Variants in CCDC171 observed in about 807,000 individuals in gnomAD.
CCDC171 encodes coiled-coil domain containing 171, also known as coiled-coil domain-containing protein 171.
CCDC171 carries 177 observed loss-of-function variants against 168.2 expected under a neutral mutation model. The observed-to-expected ratio is 1.05, with a 90% CI of 0.93 to 1.19. The LOEUF is 1.19. Ranked by LOEUF, CCDC171 falls within the 50% of genes most tolerant of loss-of-function variation. CCDC171 has a pLI of 0.00. For synonymous variants in CCDC171, 687 were observed against 540.8 expected (o/e 1.27, Z -3.75); for missense variants, 1,991 against 1,539.0 (o/e 1.29, Z -4.91).
the CCDC171 span, among the ~76,000 whole-genome samples, chr9:16,103,605 C>T: frequency 2.6e-5 from 4 of 152,322 alleles, no homozygotes; most frequent in East Asian, 7.7e-4. Flanking sequence ...AGGCAGAGGA[C>T]GTGGCTTGGG....
chr9:15,830,707 G>A (rs1340993417), intron 21 of CCDC171, among the ~76,000 whole-genome samples: 3 of 152,114 alleles, frequency 2.0e-5, no homozygotes, highest in African/African-American at 7.2e-5. Context: ...TAAAGTGATT[G>A]GATATTGAAG....
At chr9:15,761,721 T>A (rs1304818441) in intron 18 of CCDC171, among the ~76,000 whole-genome samples, 1 of 152,196 alleles carries the variant, frequency 6.6e-6, no homozygotes, top group African/African-American at 2.4e-5. Context: ...ACAATCTGAC[T>A]GAGTATCGTT....
chr9:15,724,843 G>T lies in CCDC171; in HGVS notation c.1559G>T (p.Arg520Leu), dbSNP rs759526744. Residue 520 changes from arginine (R) to leucine (L), a missense_variant, in exon 14 of 26, where the codon CGA (arginine) becomes CTA (leucine). Physicochemically the swap from Arg to Leu is moderately radical, Grantham distance 102. Transcript: ENST00000380701. ...CATTTACACACTAAATGTGCAGACC[G>T]AGAGGCTTTAATAAGCACTTTAAAA... is the stretch of plus-strand genomic sequence containing the variant. ...LSHLHTKCADREALISTLKVE... is the reference protein window; with the variant it reads ...LSHLHTKCADLEALISTLKVE... The T allele has an allele frequency of 6.2e-7, 1 of 1,613,780 alleles. No homozygotes were observed. The highest frequency in any genetic ancestry group is 1.3e-5 in the African/African-American group (1 of 75,006).
chr9:15,594,179 T>G lies in CCDC171; in HGVS notation c.675+7T>G, dbSNP rs1396308478. On this transcript the variant is annotated splice_region_variant and intron_variant, in intron 6 of 25. Coordinates refer to ENST00000380701, the MANE Select transcript of CCDC171 (RefSeq NM_173550.4). ...ATTACAATTTATAGTACAGGTATTT[T>G]AAAAATAATCAGTTCCTTAAATATA... 7.5e-7 allele frequency: 1 copy of G among 1,325,432 alleles called. No homozygotes were observed. Among genetic ancestry groups the G allele is most frequent in the African/African-American group, 1.5e-5 (1 of 66,906 alleles). 82.1% of individuals were successfully genotyped at this position (1,325,432 alleles called of 1,614,324 possible). A position where few individuals can be genotyped will look rare whatever the true frequency, so the allele number is the denominator to read the frequency against.
intron 25 of CCDC171, among the ~76,000 whole-genome samples, chr9:15,945,045 A>G (rs1162365143): frequency 6.6e-6 from 1 of 151,190 alleles, no homozygotes; most frequent in African/African-American, 2.4e-5. Flanking sequence ...CCACCCCACA[A>G]CAGTCCCCAG....
At chr9:15,737,021 G>C (rs1171979137) in intron 16 of CCDC171, among the ~76,000 whole-genome samples, 4 of 151,810 alleles carry the variant, frequency 2.6e-5, no homozygotes, top group Non-Finnish European at 4.4e-5. Context: ...AATCTAAATA[G>C]TGCTACATTG....
At chr9:15,883,714 G>T (rs181568830) in intron 24 of CCDC171, among the ~76,000 whole-genome samples, 2 of 152,200 alleles carry the variant, frequency 1.3e-5, no homozygotes, top group East Asian at 1.9e-4. Flanking sequence ...TCAGCTTAAT[G>T]TATGTATGAA....
rs1044573783 is a variant in CCDC171, at chr9:15,848,120, C to T, written c.3414-773C>T. On this transcript the variant is annotated intron_variant, in intron 22 of 25. Coordinates refer to ENST00000380701, the MANE Select transcript of CCDC171 (RefSeq NM_173550.4). Reference sequence around the variant, plus strand: ...GAATGAAAATAGGCTTATAAGACCTCCAGATTCAAATTGTATTTTCAAAAC... The same window carrying T: ...GAATGAAAATAGGCTTATAAGACCTTCAGATTCAAATTGTATTTTCAAAAC... 2.6e-5 allele frequency among the ~76,000 whole-genome samples: 4 copies of T among 151,988 alleles called. No individual in the cohort carries two copies. The South Asian group carries it at 6.2e-4, about 24-fold the overall frequency.
In CCDC171 at chr9:15,591,395, A is replaced by C. The variant is rs1385054740; in HGVS notation, c.382A>C (p.Asn128His). 5.0e-6 allele frequency: 8 copies of C among 1,605,984 alleles called. No individual in the cohort carries two copies. In the East Asian group the frequency reaches 9.0e-5, roughly 18 times the overall value. The part of the protein sequence containing the change: ...AQNSELQAKT[N>H]ETEKAFQTSQ... ...GAATTCAGAACTTCAAGCAAAGACA[A>C]ATGAGACTGAGAAAGCATTTCAGAC... The change falls in exon 5 of 26, where the codon AAT becomes CAT. Residue 128 changes from asparagine (N) to histidine (H), a missense_variant. Physicochemically the swap from Asn to His is moderately conservative, Grantham distance 68. Transcript: ENST00000380701.
At chr9:15,741,951 A>G (rs1167673051) in intron 16 of CCDC171, among the ~76,000 whole-genome samples, 1 of 152,124 alleles carries the variant, frequency 6.6e-6, no homozygotes, top group East Asian at 1.9e-4. Flanking sequence ...CACAATTTTT[A>G]TTGTAATTTT....
intron 3 of CCDC171, among the ~76,000 whole-genome samples, chr9:16,020,435 A>T (rs1002119105): frequency 2.0e-5 from 3 of 152,196 alleles, no homozygotes; most frequent in African/African-American, 7.2e-5. Flanking sequence ...CTTCTTTACA[A>T]TTTCATGAAG....
In CCDC171 at chr9:15,949,840, A is replaced by G. The variant is rs1008193142; in HGVS notation, c.3754-21769A>G. On this transcript the variant is annotated intron_variant, in intron 25 of 25. Coordinates refer to ENST00000380701, the MANE Select transcript of CCDC171 (RefSeq NM_173550.4). ...TGCCCTGGCCAGAACTTCTAACACT[A>G]TGTTGAATAGGAGTGGTGAGAGAGG... 7.1e-4 allele frequency among the ~76,000 whole-genome samples: 108 copies of G among 152,184 alleles called. 1 individual carries two copies. The highest frequency in any genetic ancestry group is 2.4e-3 in the African/African-American group (99 of 41,538).
intron 18 of CCDC171, among the ~76,000 whole-genome samples, chr9:15,751,326 A>T (rs1388775379): frequency 6.6e-6 from 1 of 152,206 alleles, no homozygotes; most frequent in Admixed American, 6.5e-5. Flanking sequence ...GGAAGAATCA[A>T]TATCGTGAAA....
chr9:15,718,851 C>T lies in CCDC171; in HGVS notation c.1319-2918C>T, dbSNP rs532588734. Among the ~76,000 whole-genome samples, 53 of 152,236 alleles carry T rather than the reference C, an allele frequency of 3.5e-4. 1 individual carries two copies. The South Asian group carries it at 4.4e-3, about 13-fold the overall frequency. Reference sequence around the variant, plus strand: ...CGTTTAAATACTGGGAAAGCCTTCTCGGGAAGGACAGGTACTAATAAGTCC... The same window carrying T: ...CGTTTAAATACTGGGAAAGCCTTCTTGGGAAGGACAGGTACTAATAAGTCC... On this transcript the variant is annotated intron_variant, in intron 11 of 25. Coordinates refer to ENST00000380701, the MANE Select transcript of CCDC171 (RefSeq NM_173550.4).
At chr9:16,103,838 G>A in the CCDC171 span, among the ~76,000 whole-genome samples, 1 of 152,208 alleles carries the variant, frequency 6.6e-6, no homozygotes, top group Admixed American at 6.5e-5. Context: ...GACTCCGGGG[G>A]GGCTGGGGGA....
intron 24 of CCDC171, among the ~76,000 whole-genome samples, chr9:15,887,472 G>A (rs1297378621): frequency 6.6e-6 from 1 of 151,814 alleles, no homozygotes; most frequent in Admixed American, 6.6e-5. Context: ...GTAACTCACT[G>A]AAGAAAACAT....
At chr9:15,559,676 C>G (rs958123642) in intron 1 of CCDC171, among the ~76,000 whole-genome samples, 1 of 152,104 alleles carries the variant, frequency 6.6e-6, no homozygotes. Context: ...TGGGTCTTGA[C>G]TGTATCCAAT....
At chr9:16,060,266 G>A (rs754564897) in intron 1 of CCDC171, among the ~76,000 whole-genome samples, 7 of 152,280 alleles carry the variant, frequency 4.6e-5, no homozygotes, top group South Asian at 2.1e-4. Flanking sequence ...TGTCAGTACC[G>A]ATGCTGAGAC....
intron 6 of CCDC171, among the ~76,000 whole-genome samples, chr9:16,033,771 A>G (rs1372449850): frequency 6.7e-6 from 1 of 149,930 alleles, no homozygotes; most frequent in African/African-American, 2.5e-5. Flanking sequence ...GTGTTACTGT[A>G]TTAACCTCCC....
Sources: allele counts gnomAD v4.1 joint callset (sites outside exome capture counted in the v4.1 genomes callset), GRCh38; gene constraint gnomAD v4.1.1; transcripts MANE v1.5; gene names NCBI Gene and HGNC (gene_info 2026-07-23, HGNC 2026-07-21).